The following CEP41 variants were observed in gnomAD, a reference collection of about 807,000 sequenced individuals.
The protein encoded by CEP41 is centrosomal protein of 41 kDa.
CEP41 carries 32 observed loss-of-function variants against 44.3 expected under a neutral mutation model. The observed-to-expected ratio is 0.72, with a 90% CI of 0.54 to 0.97. The LOEUF (loss-of-function observed/expected upper bound fraction) is 0.97, where lower values mean the gene tolerates loss of function less well. Among genes scored for constraint, CEP41 ranks in the 50% least tolerant of loss-of-function variants. The pLI is 0.00. For synonymous variants in CEP41, 151 were observed against 168.5 expected (o/e 0.90, Z 0.80); for missense variants, 432 against 455.2 (o/e 0.95, Z 0.46).
In CEP41 at chr7:130,440,969, T is replaced by C; in HGVS notation, c.-3A>G. ...CCAATGTGCCTCCGGAGGGACATAT[T>C]TTCTCCAACCGACCACGTTCGGGGT... On this transcript the variant is annotated 5_prime_UTR_variant, in exon 1 of 11. Coordinates refer to ENST00000223208, the MANE Select transcript of CEP41 (RefSeq NM_018718.3). 1 of 1,612,942 alleles carries C rather than the reference T, an allele frequency of 6.2e-7. No homozygotes were observed.
At chr7:130,407,253 AACACACACAC>A (rs60030288) in intron 5 of CEP41, among the ~76,000 whole-genome samples, 77 of 129,396 alleles carry the variant, frequency 6.0e-4, no homozygotes, top group East Asian at 2.0e-3. Flanking sequence ...AACAAGAGTA[AACACACACAC>A]ACACACACAC....
chr7:130,426,625 T>C (rs782791581), intron 2 of CEP41: 51 of 456,020 alleles, frequency 1.1e-4, no homozygotes, highest in Non-Finnish European at 1.9e-4. Flanking sequence ...ATCTAGGTGC[T>C]TACCTCACAG....
chr7:130,440,133 C>T (rs1278934471), intron 1 of CEP41, among the ~76,000 whole-genome samples: 1 of 152,172 alleles, frequency 6.6e-6, no homozygotes, highest in Admixed American at 6.5e-5. Context: ...GATTCTCCTG[C>T]CTCAGCCTAC....
intron 10 of CEP41, chr7:130,399,572 C>T (rs1796778767): frequency 9.1e-6 from 2 of 218,944 alleles, no homozygotes; most frequent in African/African-American, 4.6e-5. Flanking sequence ...AATCCTAGCA[C>T]TTTGGAAGGC....
chr7:130,433,350 T>C (rs781814946), intron 1 of CEP41, among the ~76,000 whole-genome samples: 5 of 147,122 alleles, frequency 3.4e-5, no homozygotes, highest in Non-Finnish European at 7.5e-5. Flanking sequence ...AAAGGAGAGA[T>C]TTGAGGATGT....
At chr7:130,436,117 G>C (rs1554426079) in intron 1 of CEP41, among the ~76,000 whole-genome samples, 1 of 152,170 alleles carries the variant, frequency 6.6e-6, no homozygotes, top group Non-Finnish European at 1.5e-5. Context: ...TGGTGCCGCT[G>C]CACTCCAGCC....
At position 130,394,296 on chromosome 7, in the gene CEP41, C is replaced by T. The variant is rs117814753; in HGVS notation, c.*4595G>A. 315 of 454,056 alleles carry T rather than the reference C, an allele frequency of 6.9e-4. 1 individual carries two copies. The East Asian group carries it at 0.02, about 29-fold the overall frequency. The allele number at this position is 454,056 out of a possible 1,614,324, so 28.1% of individuals were successfully genotyped here. On this transcript the variant is annotated 3_prime_UTR_variant, in exon 11 of 11. Transcript: ENST00000223208. ...AAACCTGAGTCACTTAATTTCTACC[C>T]GAACCTCAGTCTCCTCATCTGAAAA...
chr7:130,423,239 C>T (rs574917921), intron 2 of CEP41, among the ~76,000 whole-genome samples: 107 of 152,170 alleles, frequency 7.0e-4, no homozygotes, highest in African/African-American at 2.4e-3. Context: ...TGAGCCACTG[C>T]GCCCAGCCAA....
At position 130,396,901 on chromosome 7, in the gene CEP41, C is replaced by T. The variant is rs1796678524; in HGVS notation, c.*1990G>A. ...TTTCTAATACTCCAAAGTTGTCTGACGATGGGAACGCAGAATCGGAACAAG... is the reference window on the plus strand; with the variant it reads ...TTTCTAATACTCCAAAGTTGTCTGATGATGGGAACGCAGAATCGGAACAAG... On this transcript the variant is annotated 3_prime_UTR_variant, in exon 11 of 11. Transcript: ENST00000223208. 3 of 447,934 alleles carry T rather than the reference C, an allele frequency of 6.7e-6. No individual in the cohort carries two copies. Among genetic ancestry groups the T allele is most frequent in the East Asian group, 7.0e-5 (1 of 14,362 alleles). 27.7% of individuals were successfully genotyped at this position (447,934 alleles called of 1,614,324 possible).
chr7:130,397,300 T>C lies in CEP41; in HGVS notation c.*1591A>G, dbSNP rs1216402612. On this transcript the variant is annotated 3_prime_UTR_variant, in exon 11 of 11. Transcript: ENST00000223208. ...ATCTTGTGGAAAATTGGGCATGGCTTGACATCTGAACAATGTCCCTGGTTT... is the reference window on the plus strand; with the variant it reads ...ATCTTGTGGAAAATTGGGCATGGCTCGACATCTGAACAATGTCCCTGGTTT... 1 of 454,422 alleles carries C rather than the reference T, an allele frequency of 2.2e-6. No individual in the cohort carries two copies. The highest frequency in any genetic ancestry group is 4.4e-6 in the Non-Finnish European group (1 of 226,796). The allele number at this position is 454,422 out of a possible 1,614,324, so 28.1% of individuals were successfully genotyped here.
chr7:130,413,367 T>C (rs60281846), intron 3 of CEP41, among the ~76,000 whole-genome samples: 79,448 of 152,022 alleles, frequency 0.52, 20,942 homozygotes, highest in African/African-American at 0.58. Context: ...AACACTCCAA[T>C]TAATAATACA....
At chr7:130,438,185 A>G (rs1554426655) in intron 1 of CEP41, among the ~76,000 whole-genome samples, 1 of 152,204 alleles carries the variant, frequency 6.6e-6, no homozygotes, top group African/African-American at 2.4e-5. Flanking sequence ...ATCAGGAAGT[A>G]TTGATGATTT....
chr7:130,439,122 G>T (rs1798063026), intron 1 of CEP41, among the ~76,000 whole-genome samples: 1 of 151,996 alleles, frequency 6.6e-6, no homozygotes, highest in Non-Finnish European at 1.5e-5. Flanking sequence ...CCTTTTCCTT[G>T]CCCCTTAGCA....
intron 1 of CEP41, among the ~76,000 whole-genome samples, chr7:130,439,186 T>C (rs966336399): frequency 6.6e-6 from 1 of 152,196 alleles, no homozygotes; most frequent in Non-Finnish European, 1.5e-5. Context: ...ACTTAATGAA[T>C]AGTAAATATA....
chr7:130,397,292 G>A lies in CEP41; in HGVS notation c.*1599C>T. 2.2e-6 allele frequency: 1 copy of A among 454,456 alleles called. No homozygotes were observed. Among genetic ancestry groups the A allele is most frequent in the South Asian group, 1.6e-5 (1 of 64,464 alleles). The allele number at this position is 454,456 out of a possible 1,614,324, so 28.2% of individuals were successfully genotyped here. A position where few individuals can be genotyped will look rare whatever the true frequency, so the allele number is the denominator to read the frequency against. On this transcript the variant is annotated 3_prime_UTR_variant, in exon 11 of 11. Transcript: ENST00000223208. ...ATTCTTGAATCTTGTGGAAAATTGGGCATGGCTTGACATCTGAACAATGTC... is the reference window on the plus strand; with the variant it reads ...ATTCTTGAATCTTGTGGAAAATTGGACATGGCTTGACATCTGAACAATGTC...
chr7:130,409,786 A>G (rs1371651527), intron 5 of CEP41, among the ~76,000 whole-genome samples: 1 of 152,184 alleles, frequency 6.6e-6, no homozygotes, highest in African/African-American at 2.4e-5. Context: ...GTATTTAAGA[A>G]AGGAGAAATG....
intron 2 of CEP41, chr7:130,420,037 G>A (rs1180377479): frequency 1.0e-6 from 1 of 985,206 alleles, no homozygotes; most frequent in Non-Finnish European, 1.2e-6. Flanking sequence ...CTTGCTGAAT[G>A]ATGGTCAGGT....
chr7:130,412,208 T>C lies in CEP41; in HGVS notation c.178A>G (p.Arg60Gly), dbSNP rs1160416225. The C allele has an allele frequency of 1.3e-6, 2 of 1,552,420 alleles. No individual in the cohort carries two copies. The highest frequency in any genetic ancestry group is 1.8e-6 in the Non-Finnish European group (2 of 1,123,998). ...YRYKKDELFK[R>G]LKVTTFAQLI... ...TGGGCAAAAGTTGTAACTTTTAGTC[T>C]CTTGAAAAGCTCATCTTTTTTGTAT... Residue 60 changes from arginine to glycine, a missense_variant, in exon 4 of 11, where the codon AGA becomes GGA. Transcript: ENST00000223208.
chr7:130,400,127 T>C lies in CEP41; in HGVS notation c.885A>G (p.Pro295=). The C allele has an allele frequency of 6.2e-7, 1 of 1,613,832 alleles. No homozygotes were observed. The highest frequency in any genetic ancestry group is 8.5e-7 in the Non-Finnish European group (1 of 1,179,864). ...KRSSPKGPPL[P]AENKWRFTPE... ...GGGTAAATCTCCATTTATTCTCAGCTGGTAGGGGTGGCCCTTTGGGGCTGG... is the reference window on the plus strand; with the variant it reads ...GGGTAAATCTCCATTTATTCTCAGCCGGTAGGGGTGGCCCTTTGGGGCTGG... The change falls in exon 10 of 11, where the codon CCA becomes CCG. Residue 295 remains proline (P), a synonymous_variant. Coordinates refer to ENST00000223208, the MANE Select transcript of CEP41 (RefSeq NM_018718.3).
Sources: gnomAD v4.1 joint callset for allele counts (sites outside exome capture counted in the v4.1 genomes callset) on GRCh38, gnomAD v4.1.1 for gene constraint, MANE v1.5 for transcripts, NCBI Gene and HGNC (gene_info 2026-07-23, HGNC 2026-07-21) for gene names.